PRMT9: variants seen among roughly 807,000 people sequenced by gnomAD.
PRMT9 encodes the protein protein arginine methyltransferase 9.
Under a neutral mutation model 83.2 loss-of-function variants are expected in PRMT9, and 59 were observed. The ratio of observed to expected loss-of-function variants is 0.71; its 90% confidence interval spans 0.57 to 0.88. The LOEUF (loss-of-function observed/expected upper bound fraction) is 0.88, where lower values mean the gene tolerates loss of function less well. Among genes scored for constraint, PRMT9 ranks in the 40% least tolerant of loss-of-function variants. The probability of loss-of-function intolerance (pLI) is 0.00; values close to 1 mark genes in which losing one functional copy is unlikely to be tolerated. For synonymous variants in PRMT9, 333 were observed against 353.2 expected, an observed-to-expected ratio of 0.94 and a Z score of 0.64; for missense variants, 947 against 1,021.9, an observed-to-expected ratio of 0.93 and a Z score of 1.00.
chr4:147,677,208 G>C (rs1736145844), intron 2 of PRMT9, among the ~76,000 whole-genome samples: 1 of 151,782 alleles, frequency 6.6e-6, no homozygotes, highest in South Asian at 2.1e-4. Flanking sequence ...AGTGAAATTA[G>C]ATGTATTAAA....
At chr4:147,648,877 T>C (rs559280825) in intron 9 of PRMT9, among the ~76,000 whole-genome samples, 3 of 152,256 alleles carry the variant, frequency 2.0e-5, no homozygotes, top group East Asian at 1.9e-4. Flanking sequence ...GGCTAAAAGA[T>C]AGTGTCAGAT....
At chr4:147,672,017 A>C (rs1474847328) in intron 4 of PRMT9, 2 of 390,308 alleles carry the variant, frequency 5.1e-6, no homozygotes, top group Non-Finnish European at 1.0e-5. Context: ...CAGAACTGTG[A>C]GAAAATAAAT....
intron 2 of PRMT9, among the ~76,000 whole-genome samples, chr4:147,679,067 C>T (rs529014757): frequency 2.0e-5 from 3 of 152,196 alleles, no homozygotes; most frequent in African/African-American, 4.8e-5. Flanking sequence ...TTTTTGCCTG[C>T]TCTGTGAAAA....
chr4:147,659,552 T>TTCC (rs1440180248), intron 7 of PRMT9, among the ~76,000 whole-genome samples: 1 of 151,184 alleles, frequency 6.6e-6, no homozygotes, highest in Non-Finnish European at 1.5e-5. Context: ...TATGTAACCT[T>TTCC]TCCAATTTCT....
In PRMT9 at chr4:147,639,037, G is replaced by A; in HGVS notation, c.2245C>T (p.Pro749Ser). 1 of 1,612,796 alleles carries A rather than the reference G, an allele frequency of 6.2e-7. No individual in the cohort carries two copies. Among genetic ancestry groups the A allele is most frequent in the South Asian group, 1.1e-5 (1 of 91,050 alleles). The change falls in exon 11 of 12, where the codon CCT becomes TCT. Residue 749 changes from proline to serine, a missense_variant. Transcript: ENST00000322396. ...AAGAGTTCCACTGGCTTGCTTAAAGGTATACAGGGCAATGAGGATAGGTCC... is the reference window on the plus strand; with the variant it reads ...AAGAGTTCCACTGGCTTGCTTAAAGATATACAGGGCAATGAGGATAGGTCC... ...FLDLSSLPCI[P>S]LSKPVELLRL...
intron 3 of PRMT9, 122 bp from the exon 4 acceptor site, chr4:147,673,248 C>G: frequency 1.3e-6 from 1 of 799,176 alleles, no homozygotes; most frequent in Non-Finnish European, 2.1e-6. Flanking sequence ...AACCATTACT[C>G]ACTCTGCATT....
intron 9 of PRMT9, among the ~76,000 whole-genome samples, chr4:147,649,786 T>C (rs1733974778): frequency 6.6e-6 from 1 of 152,164 alleles, no homozygotes; most frequent in South Asian, 2.1e-4. Flanking sequence ...ATTACAGGCA[T>C]GAGCCACCGC....
chr4:147,682,949 A>G (rs1736591373), intron 1 of PRMT9, among the ~76,000 whole-genome samples: 1 of 152,236 alleles, frequency 6.6e-6, no homozygotes. Context: ...CAAAATGTCA[A>G]TAGTGCTGAG....
intron 7 of PRMT9, among the ~76,000 whole-genome samples, chr4:147,658,367 G>A (rs1316467870): frequency 6.6e-6 from 1 of 151,938 alleles, no homozygotes; most frequent in Non-Finnish European, 1.5e-5. Flanking sequence ...GTGAGAAAGA[G>A]AGAGAGTGAG....
chr4:147,668,758 A>T, intron 5 of PRMT9, 113 bp from the exon 6 acceptor site: 1 of 728,436 alleles, frequency 1.4e-6, no homozygotes, highest in South Asian at 1.7e-5. Flanking sequence ...ATAAGTAAGG[A>T]TAAAGTAAGT....
At chr4:147,676,971 G>C (rs1243053901) in intron 2 of PRMT9, among the ~76,000 whole-genome samples, 3 of 150,880 alleles carry the variant, frequency 2.0e-5, no homozygotes, top group Non-Finnish European at 4.4e-5. Context: ...TTGAACCTGG[G>C]AGGCGGAGGT....
chr4:147,654,190 A>G lies in PRMT9; in HGVS notation c.1707T>C (p.Thr569=). 6.2e-7 allele frequency: 1 copy of G among 1,614,220 alleles called. No individual in the cohort carries two copies. The highest frequency in any genetic ancestry group is 8.5e-7 in the Non-Finnish European group (1 of 1,180,022). ...THCQNEMSSG[T]GQSNTVQNIL... is the part of the protein sequence containing the mutation. Reference sequence around the variant, plus strand: ...TGTTCTGTACAGTATTACTCTGTCCAGTTCCAGAGCTCATCTCATTCTGAC... The same window carrying G: ...TGTTCTGTACAGTATTACTCTGTCCGGTTCCAGAGCTCATCTCATTCTGAC... The change falls in exon 9 of 12, where the codon ACT becomes ACC. Residue 569 remains threonine, a synonymous_variant. Transcript: ENST00000322396.
intron 9 of PRMT9, among the ~76,000 whole-genome samples, chr4:147,651,635 T>C (rs1340005591): frequency 6.6e-6 from 1 of 152,224 alleles, no homozygotes; most frequent in Non-Finnish European, 1.5e-5. Context: ...ATGCTCAACA[T>C]CACTAATCAT....
chr4:147,667,494 C>T (rs1735421317), intron 6 of PRMT9, among the ~76,000 whole-genome samples: 1 of 152,166 alleles, frequency 6.6e-6, no homozygotes, highest in Non-Finnish European at 1.5e-5. Context: ...CTAATTCAGC[C>T]AATCTGCTAA....
intron 10 of PRMT9, among the ~76,000 whole-genome samples, chr4:147,642,584 G>A (rs865891291): frequency 6.6e-6 from 1 of 152,124 alleles, no homozygotes; most frequent in Admixed American, 6.5e-5. Context: ...AAATTCCTTG[G>A]TTATTGTAAC....
chr4:147,665,010 A>G (rs1735226722), intron 6 of PRMT9, among the ~76,000 whole-genome samples: 1 of 151,420 alleles, frequency 6.6e-6, no homozygotes, highest in Admixed American at 6.6e-5. Flanking sequence ...AATCCCAGCT[A>G]CTTGGGAGGC....
At position 147,673,848 on chromosome 4, in the gene PRMT9, C is replaced by A. The variant is rs1735897256; in HGVS notation, c.365G>T (p.Gly122Val). 1 of 1,613,818 alleles carries A rather than the reference C, an allele frequency of 6.2e-7. No individual in the cohort carries two copies. The highest frequency in any genetic ancestry group is 1.1e-5 in the South Asian group (1 of 91,068). Reference protein sequence around the residue: ...FRMGFRDEAAGYFHKAVKLNP... With the variant: ...FRMGFRDEAAVYFHKAVKLNP... ...TAGCTTCACTGCTTTATGAAAATAC[C>A]CAGCTGCTTCATCCCTAAAGCCCAT... The change falls in exon 3 of 12, where the codon GGG becomes GTG. Residue 122 changes from glycine (G) to valine (V), a missense_variant. Coordinates refer to ENST00000322396, the MANE Select transcript of PRMT9 (RefSeq NM_138364.4).
At chr4:147,665,008 C>G (rs1397206204) in intron 6 of PRMT9, among the ~76,000 whole-genome samples, 1 of 150,712 alleles carries the variant, frequency 6.6e-6, no homozygotes. Flanking sequence ...GTAATCCCAG[C>G]TACTTGGGAG....
Position 147,657,919 on chromosome 4 carries a change from T to G in PRMT9, c.1203A>C (p.Lys401Asn). 1.2e-6 allele frequency: 2 copies of G among 1,606,172 alleles called. No individual in the cohort carries two copies. Among genetic ancestry groups the G allele is most frequent in the Non-Finnish European group, 8.5e-7 (1 of 1,177,094 alleles). The change falls in exon 8 of 12, where the codon AAA becomes AAC. Residue 401 changes from lysine to asparagine, a missense_variant. Transcript: ENST00000322396. Reference protein sequence around the residue: ...KPDKIGIPVIKEGILDAIMVW... With the variant: ...KPDKIGIPVINEGILDAIMVW... ...CCATAATAGCATCTAGTATGCCTTC[T>G]TTAATAACAGGAATACCAATCTTAT...
Sources: allele counts gnomAD v4.1 joint callset (sites outside exome capture counted in the v4.1 genomes callset), GRCh38; gene constraint gnomAD v4.1.1; transcripts MANE v1.5; gene names NCBI Gene and HGNC (gene_info 2026-07-23, HGNC 2026-07-21).